PITPNC1: variants seen among roughly 807,000 people sequenced by gnomAD.
PITPNC1 encodes the protein cytoplasmic phosphatidylinositol transfer protein 1.
A neutral mutation model predicts 44.7 loss-of-function variants in PITPNC1; 18 were observed. The ratio of observed to expected loss-of-function variants is 0.40; its 90% CI spans 0.28 to 0.60. PITPNC1 has a LOEUF of 0.60. PITPNC1 is among the 20% of genes least tolerant of loss of function. PITPNC1 has a pLI of 0.39. For missense variants in PITPNC1, 290 were observed against 418.4 expected (o/e 0.69, Z 2.68); for synonymous variants, 141 against 149.6 (o/e 0.94, Z 0.42).
rs548451264 is a variant in PITPNC1 at position 67,608,335 on chromosome 17, C to G, written c.367-23808C>G. On this transcript the variant is annotated intron_variant, in intron 5 of 8. Transcript: ENST00000581322. ...GGAGAATGGCCTGAGCCCATGTGTT[C>G]AAGTCCAACCTGAGCAACATAGTGA... Among the ~76,000 whole-genome samples, 24 of 151,148 alleles carry G rather than the reference C, an allele frequency of 1.6e-4. No individual in the cohort carries two copies. The East Asian group carries it at 4.5e-3, about 28-fold the overall frequency.
At chr17:67,495,468 A>G (rs1346529949) in intron 1 of PITPNC1, among the ~76,000 whole-genome samples, 1 of 152,072 alleles carries the variant, frequency 6.6e-6, no homozygotes, top group African/African-American at 2.4e-5. Context: ...TGTACAGATT[A>G]TTTCATCACC....
At chr17:67,681,105 A>G (rs2042696239) in intron 8 of PITPNC1, among the ~76,000 whole-genome samples, 1 of 152,210 alleles carries the variant, frequency 6.6e-6, no homozygotes, top group Non-Finnish European at 1.5e-5. Context: ...GTTCAAGGGC[A>G]TTTGTAGTTT....
intron 4 of PITPNC1, among the ~76,000 whole-genome samples, chr17:67,576,783 CA>C (rs2041155423): frequency 6.6e-6 from 1 of 152,188 alleles, no homozygotes; most frequent in Non-Finnish European, 1.5e-5. Flanking sequence ...AAGACAAAGA[CA>C]GGGGCTGCCT....
intron 1 of PITPNC1, among the ~76,000 whole-genome samples, chr17:67,528,449 C>G (rs1403020734): frequency 1.3e-5 from 2 of 152,244 alleles, no homozygotes; most frequent in African/African-American, 4.8e-5. Context: ...ATCATCAATT[C>G]TACGATCAAT....
chr17:67,539,985 G>C (rs2040583303), intron 2 of PITPNC1, among the ~76,000 whole-genome samples: 2 of 152,094 alleles, frequency 1.3e-5, no homozygotes, highest in Admixed American at 6.6e-5. Flanking sequence ...CCAAAACATG[G>C]AGAAACCACC....
At chr17:67,473,835 C>T (rs1005534326) in intron 1 of PITPNC1, among the ~76,000 whole-genome samples, 3 of 152,140 alleles carry the variant, frequency 2.0e-5, no homozygotes, top group Non-Finnish European at 4.4e-5. Context: ...CTCAGTGGAC[C>T]CTGCCTGCAG....
rs933718727 is a variant in PITPNC1 at position 67,544,427 on chromosome 17, C to T, written c.198-7830C>T. ...GAATGGGGGTGGGGGTGGAGGGGCA[C>T]TGGAGAAAAGATGGAGGCTATTTTT... On this transcript the variant is annotated intron_variant, in intron 2 of 8. Coordinates refer to ENST00000581322, the MANE Select transcript of PITPNC1 (RefSeq NM_012417.4). Among the ~76,000 whole-genome samples, 46 of 152,158 alleles carry T rather than the reference C, an allele frequency of 3.0e-4. 1 individual carries two copies. The highest frequency in any genetic ancestry group is 1.5e-4 in the Non-Finnish European group (10 of 68,022).
intron 1 of PITPNC1, among the ~76,000 whole-genome samples, chr17:67,430,645 T>C (rs2038842735): frequency 6.6e-6 from 1 of 151,532 alleles, no homozygotes; most frequent in African/African-American, 2.4e-5. Flanking sequence ...TAGTGAGACC[T>C]CTGTCTCTAA....
intron 1 of PITPNC1, among the ~76,000 whole-genome samples, chr17:67,423,568 A>G (rs1175694337): frequency 1.3e-5 from 2 of 152,228 alleles, no homozygotes; most frequent in Non-Finnish European, 2.9e-5. Flanking sequence ...TCTACCTGAA[A>G]TCATGCCTCA....
intron 1 of PITPNC1, chr17:67,379,269 A>G (rs1473200109): frequency 1.7e-5 from 17 of 985,518 alleles, no homozygotes; most frequent in Non-Finnish European, 1.8e-5. Context: ...ACTATCAGAT[A>G]TGTTTTTGAG....
chr17:67,552,220 C>G (rs1255779072), intron 2 of PITPNC1, 37 bp from the exon 3 acceptor site: 2 of 1,024,992 alleles, frequency 2.0e-6, no homozygotes, highest in East Asian at 4.7e-5. Context: ...AGACTCTGAA[C>G]AGACTCCAAT....
rs77668236 is a variant in PITPNC1, at chr17:67,680,716, A to T, written c.682+5174A>T. ...GACTGGCTACTTTCACTACAAAAAA[A>T]TGGAGTCACCCTAAGCTTTTTGTAA... On this transcript the variant is annotated intron_variant, in intron 8 of 8. Coordinates refer to ENST00000581322, the MANE Select transcript of PITPNC1 (RefSeq NM_012417.4). 7.4e-3 allele frequency among the ~76,000 whole-genome samples: 1,126 copies of T among 152,342 alleles called. 21 individuals carry two copies. The highest frequency in any genetic ancestry group is 0.026 in the African/African-American group (1,081 of 41,578).
intron 1 of PITPNC1, among the ~76,000 whole-genome samples, chr17:67,513,420 T>C (rs1181445912): frequency 6.8e-6 from 1 of 147,506 alleles, no homozygotes; most frequent in African/African-American, 2.5e-5. Context: ...TCTACATATG[T>C]GTGTATATAT....
Position 67,534,431 on chromosome 17 carries a change from A to G in PITPNC1, c.197+1481A>G, listed in dbSNP as rs140447811. On this transcript the variant is annotated intron_variant, in intron 2 of 8. Coordinates refer to ENST00000581322, the MANE Select transcript of PITPNC1 (RefSeq NM_012417.4). ...AGGTGGTAGATCACTTTAGGTCAGG[A>G]GTTCAAAACCAGCCTGGGTAACATG... Among the ~76,000 whole-genome samples, 73 of 152,170 alleles carry G rather than the reference A, an allele frequency of 4.8e-4. 1 individual carries two copies. The highest frequency in any genetic ancestry group is 1.7e-3 in the African/African-American group (71 of 41,528).
intron 1 of PITPNC1, among the ~76,000 whole-genome samples, chr17:67,414,096 C>T (rs984494081): frequency 8.9e-6 from 1 of 112,934 alleles, no homozygotes; most frequent in Non-Finnish European, 1.8e-5. Flanking sequence ...TGAGTTTGAA[C>T]TGAAAAAAAA....
intron 2 of PITPNC1, among the ~76,000 whole-genome samples, chr17:67,536,854 G>A (rs891887672): frequency 6.6e-6 from 1 of 152,120 alleles, no homozygotes; most frequent in African/African-American, 2.4e-5. Context: ...GCTATTCAAA[G>A]AGAATCTGTT....
At chr17:67,484,180 A>G (rs1238021797) in intron 1 of PITPNC1, among the ~76,000 whole-genome samples, 1 of 152,020 alleles carries the variant, frequency 6.6e-6, no homozygotes, top group Non-Finnish European at 1.5e-5. Context: ...GGCCTCCCAA[A>G]TTACTGGGAT....
intron 1 of PITPNC1, among the ~76,000 whole-genome samples, chr17:67,507,578 G>A (rs558826198): frequency 1.2e-4 from 18 of 151,628 alleles, no homozygotes; most frequent in East Asian, 3.9e-4. Flanking sequence ...CCAGCTACTC[G>A]GGAGGCTGAG....
intron 1 of PITPNC1, among the ~76,000 whole-genome samples, chr17:67,491,274 G>T: frequency 6.6e-6 from 1 of 152,232 alleles, no homozygotes; most frequent in East Asian, 1.9e-4. Context: ...CCAGGAACCC[G>T]CAGGACACTG....
Sources: allele counts gnomAD v4.1 joint callset (sites outside exome capture counted in the v4.1 genomes callset), GRCh38; gene constraint gnomAD v4.1.1; transcripts MANE v1.5; gene names NCBI Gene and HGNC (gene_info 2026-07-23, HGNC 2026-07-21).